The following SLC28A3 variants were observed in gnomAD, a reference collection of about 807,000 sequenced individuals.
The protein encoded by SLC28A3 is solute carrier family 28 member 3.
SLC28A3 carries 68 observed loss-of-function variants against 84.2 expected under a neutral mutation model. The ratio of observed to expected loss-of-function variants is 0.81; its 90% CI spans 0.66 to 0.99. SLC28A3 has a LOEUF of 0.99. Among genes scored for constraint, SLC28A3 ranks in the 50% least tolerant of loss-of-function variants. The pLI is 0.00. For missense variants in SLC28A3, 712 were observed against 841.5 expected (o/e 0.85, Z 1.90); for synonymous variants, 267 against 303.6 (o/e 0.88, Z 1.25).
At chr9:84,360,438 A>T in the SLC28A3 span, among the ~76,000 whole-genome samples, 1 of 151,920 alleles carries the variant, frequency 6.6e-6, no homozygotes, top group Non-Finnish European at 1.5e-5. Flanking sequence ...GGAGCCCTGG[A>T]GATGTTTGAG....
At chr9:84,360,895 C>A in the SLC28A3 span, among the ~76,000 whole-genome samples, 1 of 151,916 alleles carries the variant, frequency 6.6e-6, no homozygotes, top group East Asian at 1.9e-4. Flanking sequence ...CAGAGCAAGA[C>A]CTTGTCTCAA....
chr9:84,297,880 A>G (rs1164367824), intron 7 of SLC28A3, 26 bp downstream of exon 7: 6 of 1,569,644 alleles, frequency 3.8e-6, no homozygotes, highest in African/African-American at 1.4e-5. Context: ...CCATAAAAGC[A>G]AAGTGTTCTT....
the SLC28A3 span, among the ~76,000 whole-genome samples, chr9:84,362,922 TCTA>T: frequency 1.3e-5 from 2 of 152,128 alleles, no homozygotes; most frequent in African/African-American, 4.8e-5. Flanking sequence ...GATTTATAAA[TCTA>T]ATAACTAACA....
At chr9:84,345,581 C>A (rs1350263995), upstream of SLC28A3, among the ~76,000 whole-genome samples, 2 of 152,064 alleles carry the variant, frequency 1.3e-5, no homozygotes, top group African/African-American at 4.8e-5. Flanking sequence ...GAAAAGAATG[C>A]AACAACATTT....
chr9:84,348,971 G>A, the SLC28A3 span, among the ~76,000 whole-genome samples: 1,545 of 151,428 alleles, frequency 0.01, 39 homozygotes, highest in African/African-American at 0.036. Context: ...ACAGTGGGGC[G>A]ATCTCGGCTC....
chr9:84,314,686 G>A (rs377250855), intron 1 of SLC28A3, among the ~76,000 whole-genome samples: 60 of 152,266 alleles, frequency 3.9e-4, no homozygotes, highest in African/African-American at 1.4e-3. Flanking sequence ...ACAGTTCTTT[G>A]CATATAGCAG....
At chr9:84,307,158 C>T (rs867153320) in intron 3 of SLC28A3, among the ~76,000 whole-genome samples, 4 of 145,986 alleles carry the variant, frequency 2.7e-5, no homozygotes, top group Non-Finnish European at 4.5e-5. Flanking sequence ...AGGCCAGGCG[C>T]GGTGGCTCAA....
At chr9:84,322,307 C>T (rs1214451817) in intron 1 of SLC28A3, among the ~76,000 whole-genome samples, 2 of 152,182 alleles carry the variant, frequency 1.3e-5, no homozygotes, top group African/African-American at 2.4e-5. Flanking sequence ...ATTAATGACA[C>T]CTTCATCTTG....
intron 1 of SLC28A3, among the ~76,000 whole-genome samples, chr9:84,337,066 G>A (rs1336644678): frequency 4.6e-5 from 7 of 152,216 alleles, no homozygotes; most frequent in Non-Finnish European, 7.3e-5. Flanking sequence ...GCCAAAGCAG[G>A]AGGATTGCTT....
the SLC28A3 span, among the ~76,000 whole-genome samples, chr9:84,356,281 C>T: frequency 6.6e-5 from 10 of 152,124 alleles, no homozygotes; most frequent in Admixed American, 5.2e-4. Flanking sequence ...TCAGGCCCTC[C>T]TCCCATCATT....
chr9:84,338,951 A>T (rs1827068896), intron 1 of SLC28A3, among the ~76,000 whole-genome samples: 1 of 152,112 alleles, frequency 6.6e-6, no homozygotes, highest in African/African-American at 2.4e-5. Context: ...ATTTATTGAT[A>T]TTTCCCTTGC....
chr9:84,321,611 G>A (rs753810778), intron 1 of SLC28A3, among the ~76,000 whole-genome samples: 19 of 151,552 alleles, frequency 1.3e-4, no homozygotes, highest in Non-Finnish European at 2.2e-4. Flanking sequence ...GCAGGCGCCT[G>A]TAGTCCCAGC....
At position 84,285,372 on chromosome 9, in the gene SLC28A3, A is replaced by C. The variant is rs748489931; in HGVS notation, c.1620T>G (p.Phe540Leu). Residue 540 changes from phenylalanine to leucine, a missense_variant, in exon 14 of 18, where the codon TTT becomes TTG. Transcript: ENST00000376238. The stretch of plus-strand genomic sequence containing the variant: ...ATATATATTGCTGCACACCGTTTAC[A>C]AATTTGGGTCCACCTTCTTTCCTCA... The part of the protein sequence containing the change: ...IHLRKEGGPK[F>L]VNGVQQYISI... The C allele has an allele frequency of 4.3e-6, 7 of 1,614,190 alleles. No homozygotes were observed. Among genetic ancestry groups the C allele is most frequent in the Non-Finnish European group, 5.9e-6 (7 of 1,180,006 alleles).
At chr9:84,304,867 C>CA (rs1825739512) in intron 4 of SLC28A3, among the ~76,000 whole-genome samples, 1 of 152,064 alleles carries the variant, frequency 6.6e-6, no homozygotes, top group Non-Finnish European at 1.5e-5. Context: ...ACTAAAAATA[C>CA]AAAAATTAGC....
chr9:84,350,697 G>A, the SLC28A3 span, among the ~76,000 whole-genome samples: 9 of 152,018 alleles, frequency 5.9e-5, no homozygotes, highest in African/African-American at 2.2e-4. Flanking sequence ...TATTCAATAA[G>A]AAATTAATCT....
the SLC28A3 span, among the ~76,000 whole-genome samples, chr9:84,364,624 G>GC: frequency 6.6e-6 from 1 of 151,482 alleles, no homozygotes; most frequent in Non-Finnish European, 1.5e-5. Context: ...AATTCTTTTT[G>GC]TTTTTTTTGT....
chr9:84,334,042 C>T (rs145695293), intron 1 of SLC28A3, among the ~76,000 whole-genome samples: 11 of 152,302 alleles, frequency 7.2e-5, no homozygotes, highest in Non-Finnish European at 1.2e-4. Flanking sequence ...TGGTGGCTCA[C>T]GCCTGTAATC....
chr9:84,301,874 T>C (rs1825647588), intron 5 of SLC28A3, among the ~76,000 whole-genome samples: 1 of 152,186 alleles, frequency 6.6e-6, no homozygotes, highest in Non-Finnish European at 1.5e-5. Flanking sequence ...TACTTCCTAA[T>C]ACGTAGGCAT....
At chr9:84,323,765 A>G (rs1157602468) in intron 1 of SLC28A3, among the ~76,000 whole-genome samples, 1 of 151,890 alleles carries the variant, frequency 6.6e-6, no homozygotes, top group Admixed American at 6.6e-5. Context: ...TTGATTTTTA[A>G]CACCCCTCAT....
Sources: allele counts gnomAD v4.1 joint callset (sites outside exome capture counted in the v4.1 genomes callset), GRCh38; gene constraint gnomAD v4.1.1; transcripts MANE v1.5; gene names NCBI Gene and HGNC (gene_info 2026-07-23, HGNC 2026-07-21).